FHOD3: variants seen among roughly 807,000 people sequenced by gnomAD.
The protein encoded by FHOD3 is formin homology 2 domain containing 3.
FHOD3 carries 90 observed loss-of-function variants against 173.0 expected under a neutral mutation model. That is an observed-to-expected ratio of 0.52 (90% CI 0.44 to 0.62). The LOEUF is 0.62. Ranked by LOEUF, FHOD3 falls within the 20% of genes least tolerant of loss-of-function variation. FHOD3 has a pLI of 0.00. For synonymous variants in FHOD3, 828 were observed against 823.0 expected (o/e 1.01, Z -0.10); for missense variants, 1,945 against 2,034.7 (o/e 0.96, Z 0.85).
At chr18:36,436,020 GA>G (rs1255907235) in intron 3 of FHOD3, among the ~76,000 whole-genome samples, 1 of 152,018 alleles carries the variant, frequency 6.6e-6, no homozygotes, top group Admixed American at 6.5e-5. Flanking sequence ...GTCTGGGTAT[GA>G]AAAAAATGTC....
At chr18:36,389,049 C>T (rs1008142394) in intron 3 of FHOD3, among the ~76,000 whole-genome samples, 7 of 152,210 alleles carry the variant, frequency 4.6e-5, no homozygotes, top group Non-Finnish European at 7.4e-5. Flanking sequence ...GTGTTTGCAA[C>T]GTTCCTGCAC....
intron 18 of FHOD3, among the ~76,000 whole-genome samples, chr18:36,716,622 G>A (rs2040463655): frequency 6.6e-6 from 1 of 152,224 alleles, no homozygotes; most frequent in Admixed American, 6.5e-5. Context: ...AACGGAGACT[G>A]AGAAGGAGTA....
chr18:36,678,615 C>T (rs948196211), intron 14 of FHOD3, among the ~76,000 whole-genome samples: 12 of 149,184 alleles, frequency 8.0e-5, no homozygotes, highest in Admixed American at 8.0e-4. Flanking sequence ...TTGCCAAATA[C>T]CCACTGTCAG....
intron 27 of FHOD3, among the ~76,000 whole-genome samples, chr18:36,765,184 G>A (rs949098879): frequency 6.6e-6 from 1 of 152,186 alleles, no homozygotes; most frequent in African/African-American, 2.4e-5. Context: ...TGAAGGAGAT[G>A]TCCTGCAGTC....
chr18:36,733,817 A>G (rs568906900), intron 20 of FHOD3, among the ~76,000 whole-genome samples: 1 of 152,278 alleles, frequency 6.6e-6, no homozygotes, highest in Non-Finnish European at 1.5e-5. Flanking sequence ...AAAGCTTATG[A>G]GGTACATATG....
intron 6 of FHOD3, among the ~76,000 whole-genome samples, chr18:36,588,506 T>G (rs888833842): frequency 6.6e-6 from 1 of 152,220 alleles, no homozygotes; most frequent in Non-Finnish European, 1.5e-5. Flanking sequence ...ATGAAACAAA[T>G]AAAATGAAGC....
intron 5 of FHOD3, among the ~76,000 whole-genome samples, chr18:36,533,614 A>G (rs988325768): frequency 6.6e-6 from 1 of 152,168 alleles, no homozygotes; most frequent in African/African-American, 2.4e-5. Flanking sequence ...CTTCGTAAGG[A>G]TCAATGACTT....
intron 10 of FHOD3, among the ~76,000 whole-genome samples, chr18:36,644,506 C>T (rs577923471): frequency 3.9e-5 from 6 of 152,268 alleles, no homozygotes; most frequent in Admixed American, 2.0e-4. Context: ...GCATCCTGGA[C>T]GTAGGCCCTC....
intron 3 of FHOD3, among the ~76,000 whole-genome samples, chr18:36,386,572 G>A (rs2048042099): frequency 6.6e-6 from 1 of 152,188 alleles, no homozygotes; most frequent in South Asian, 2.1e-4. Flanking sequence ...GGCTTGTCTT[G>A]GAAGACAGTG....
intron 3 of FHOD3, among the ~76,000 whole-genome samples, chr18:36,444,020 C>T (rs1378606570): frequency 2.0e-5 from 3 of 151,968 alleles, no homozygotes; most frequent in South Asian, 2.1e-4. Context: ...GGTGAAACCC[C>T]GTCTCTACTA....
At chr18:36,565,818 C>T (rs1046039578) in intron 5 of FHOD3, among the ~76,000 whole-genome samples, 5 of 152,184 alleles carry the variant, frequency 3.3e-5, no homozygotes, top group African/African-American at 1.2e-4. Flanking sequence ...TGAGAGGAAT[C>T]TTGCGTTTCA....
In FHOD3 at chr18:36,693,421, A is replaced by C; in HGVS notation, c.2234A>C (p.Gln745Pro). ...TCCCCAGGAACCCCTCACCATCCCC[A>C]AGGTGAGTACAGGGAGAGTAGAGGG... ...ASSPGTPHHP[Q>P]ASAGDPEPES... The change falls in exon 17 of 29, where the codon CAA becomes CCA. Residue 745 changes from glutamine (Q) to proline (P), a missense_variant and splice_region_variant. By Grantham distance (76) the Gln-to-Pro change is moderately conservative. This residue lies in a region of FHOD3 where 1,099 missense variants were observed against 1,051.2 expected (regional missense o/e 1.05). Coordinates refer to ENST00000590592, the MANE Select transcript of FHOD3 (RefSeq NM_001281740.3). 6.2e-7 allele frequency: 1 copy of C among 1,613,014 alleles called. No individual in the cohort carries two copies. Among genetic ancestry groups the C allele is most frequent in the South Asian group, 1.1e-5 (1 of 90,872 alleles).
At chr18:36,450,061 C>T (rs2051734138) in intron 3 of FHOD3, among the ~76,000 whole-genome samples, 1 of 152,064 alleles carries the variant, frequency 6.6e-6, no homozygotes, top group South Asian at 2.1e-4. Flanking sequence ...AATCTTTTAT[C>T]CCTCACCCCG....
chr18:36,507,527 G>A (rs973523649), intron 4 of FHOD3, among the ~76,000 whole-genome samples: 1 of 152,128 alleles, frequency 6.6e-6, no homozygotes, highest in African/African-American at 2.4e-5. Context: ...TCTTGAGTAC[G>A]GTAGTCTGTG....
chr18:36,442,917 A>G (rs1030347495), intron 3 of FHOD3, among the ~76,000 whole-genome samples: 3 of 152,068 alleles, frequency 2.0e-5, no homozygotes, highest in African/African-American at 7.2e-5. Flanking sequence ...TTTTTATTTC[A>G]TGACCTTGAC....
At chr18:36,408,184 T>G (rs190693096) in intron 3 of FHOD3, among the ~76,000 whole-genome samples, 41 of 152,266 alleles carry the variant, frequency 2.7e-4, no homozygotes, top group Non-Finnish European at 4.4e-4. Context: ...ATAACAGAAT[T>G]TACTTGTTAA....
chr18:36,362,064 T>C lies in FHOD3; in HGVS notation c.272+6419T>C, dbSNP rs199784143. The stretch of plus-strand genomic sequence containing the variant: ...AGGATGTATGAGGGTAAAGATGACA[T>C]CAGGTAGGTATGTGGGTTGGAGTCA... On this transcript the variant is annotated intron_variant, in intron 2 of 28. Transcript: ENST00000590592. Among the ~76,000 whole-genome samples, 3 of 152,146 alleles carry C rather than the reference T, an allele frequency of 2.0e-5. No individual in the cohort carries two copies. In the East Asian group the frequency reaches 5.8e-4, roughly 29 times the overall value.
At chr18:36,566,587 G>C (rs1051261603) in intron 5 of FHOD3, among the ~76,000 whole-genome samples, 1 of 152,196 alleles carries the variant, frequency 6.6e-6, no homozygotes, top group African/African-American at 2.4e-5. Flanking sequence ...TCCAGCTTCA[G>C]CTGAAGTATT....
At chr18:36,595,232 C>T (rs1055876867) in intron 7 of FHOD3, among the ~76,000 whole-genome samples, 13 of 152,030 alleles carry the variant, frequency 8.6e-5, no homozygotes, top group Non-Finnish European at 7.4e-5. Flanking sequence ...TGGCTCCTTC[C>T]TCCCCTCCCC....
Sources: allele counts gnomAD v4.1 joint callset (sites outside exome capture counted in the v4.1 genomes callset), GRCh38; gene constraint gnomAD v4.1.1; regional missense constraint gnomAD v4.1.1; transcripts MANE v1.5; gene names NCBI Gene and HGNC (gene_info 2026-07-23, HGNC 2026-07-21).